SRGAP3: variants seen among roughly 807,000 people sequenced by gnomAD.
The protein encoded by SRGAP3 is SLIT-ROBO Rho GTPase activating protein 3, also known as SLIT-ROBO Rho GTPase-activating protein 3.
SRGAP3 carries 39 observed loss-of-function variants against 121.1 expected under a neutral mutation model. The observed-to-expected ratio is 0.32, with a 90% confidence interval of 0.25 to 0.42. The LOEUF is 0.42. SRGAP3 is among the 10% of genes least tolerant of loss of function. The pLI is 1.00. For synonymous variants in SRGAP3, 601 were observed against 570.0 expected (o/e 1.05, Z -0.77); for missense variants, 1,213 against 1,470.6 (o/e 0.82, Z 2.86).
intron 3 of SRGAP3, among the ~76,000 whole-genome samples, chr3:9,082,547 G>A (rs976631016): frequency 6.6e-6 from 1 of 152,212 alleles, no homozygotes; most frequent in East Asian, 1.9e-4. Context: ...CCAGTCTACG[G>A]TATTTTGTTA....
At chr3:8,993,121 C>G in intron 19 of SRGAP3, 66 bp from the exon 20 acceptor site, 1 of 1,606,486 alleles carries the variant, frequency 6.2e-7, no homozygotes. Context: ...TACAGAGCTC[C>G]CTGATATGTG....
At chr3:9,088,125 G>A (rs1947579358) in intron 3 of SRGAP3, among the ~76,000 whole-genome samples, 1 of 152,140 alleles carries the variant, frequency 6.6e-6, no homozygotes, top group South Asian at 2.1e-4. Context: ...GTGATCTCCA[G>A]CGACACCATA....
intron 10 of SRGAP3, among the ~76,000 whole-genome samples, chr3:9,046,524 G>A (rs547697443): frequency 3.9e-5 from 6 of 152,350 alleles, no homozygotes; most frequent in East Asian, 3.9e-4. Context: ...CTCATGTGCC[G>A]TGACAGCAGC....
intron 3 of SRGAP3, among the ~76,000 whole-genome samples, chr3:9,090,170 A>G (rs1947692713): frequency 6.6e-6 from 1 of 152,178 alleles, no homozygotes; most frequent in African/African-American, 2.4e-5. Flanking sequence ...AAAACGCTCC[A>G]CCAAGCATCA....
chr3:9,077,048 G>A (rs937644965), intron 4 of SRGAP3, among the ~76,000 whole-genome samples: 22 of 151,698 alleles, frequency 1.5e-4, no homozygotes, highest in African/African-American at 4.8e-4. Context: ...GTGCCATGTT[G>A]GTTTGCTGCA....
chr3:8,993,714 T>G (rs1942213049), intron 19 of SRGAP3, among the ~76,000 whole-genome samples: 2 of 152,190 alleles, frequency 1.3e-5, no homozygotes, highest in Admixed American at 1.3e-4. Context: ...CAATGTGGGC[T>G]GTTGATCCCC....
intron 3 of SRGAP3, among the ~76,000 whole-genome samples, chr3:9,271,726 C>A (rs1954482077): frequency 6.6e-6 from 1 of 152,134 alleles, no homozygotes; most frequent in South Asian, 2.1e-4. Flanking sequence ...GATGAAAAAC[C>A]CTACAGCCAA....
chr3:8,987,021 T>C (rs1941752617), intron 21 of SRGAP3, among the ~76,000 whole-genome samples: 1 of 152,254 alleles, frequency 6.6e-6, no homozygotes, highest in Admixed American at 6.5e-5. Context: ...CCCGGACTTT[T>C]GAGTAAAAAG....
chr3:9,095,830 G>A (rs1192690813), intron 3 of SRGAP3, among the ~76,000 whole-genome samples: 1 of 152,150 alleles, frequency 6.6e-6, no homozygotes, highest in Non-Finnish European at 1.5e-5. Context: ...CACTTTGGGA[G>A]GCTGAGATGG....
At chr3:9,327,354 C>T (rs994934936) in intron 2 of SRGAP3, among the ~76,000 whole-genome samples, 1 of 152,044 alleles carries the variant, frequency 6.6e-6, no homozygotes, top group African/African-American at 2.4e-5. Context: ...TATAAACCTT[C>T]CGTAACTTGT....
At chr3:9,060,719 G>A (rs922504813) in intron 5 of SRGAP3, among the ~76,000 whole-genome samples, 14 of 150,808 alleles carry the variant, frequency 9.3e-5, no homozygotes, top group Admixed American at 3.3e-4. Flanking sequence ...GATTATAGGC[G>A]TGAGCCACCA....
intron 3 of SRGAP3, among the ~76,000 whole-genome samples, chr3:9,257,889 G>A (rs1017172923): frequency 3.9e-5 from 6 of 151,958 alleles, no homozygotes; most frequent in East Asian, 3.9e-4. Context: ...ATTTTTAGTA[G>A]AGACGGGGTT....
chr3:9,026,879 C>T (rs962264232), intron 13 of SRGAP3, 56 bp downstream of exon 13: 6 of 1,583,324 alleles, frequency 3.8e-6, no homozygotes, highest in Non-Finnish European at 5.2e-6. Flanking sequence ...CCTATCAGAA[C>T]AGCCTAGCAC....
chr3:9,146,016 C>T (rs1272015404), intron 1 of SRGAP3, among the ~76,000 whole-genome samples: 2 of 152,194 alleles, frequency 1.3e-5, no homozygotes, highest in East Asian at 3.8e-4. Context: ...GCCTTGAAGG[C>T]CATGTTCAGG....
At position 9,064,498 on chromosome 3, in the gene SRGAP3, C is replaced by T. The variant is rs1046482553; in HGVS notation, c.570G>A (p.Lys190=). 2 of 1,614,210 alleles carry T rather than the reference C, an allele frequency of 1.2e-6. No individual in the cohort carries two copies. The highest frequency in any genetic ancestry group is 1.7e-5 in the Admixed American group (1 of 60,028). ...KLKEAEKQEE[K]QFNKSGDLSM... ...TGAGGTCTCCTGACTTATTGAACTGCTTCTCCTCCTGCTTCTCAGCCTCCT... is the reference window on the plus strand; with the variant it reads ...TGAGGTCTCCTGACTTATTGAACTGTTTCTCCTCCTGCTTCTCAGCCTCCT... Residue 190 remains lysine (K), a synonymous_variant, in exon 5 of 22, where the codon AAG becomes AAA. Transcript: ENST00000383836.
chr3:9,116,604 C>T (rs1948815008), intron 2 of SRGAP3, among the ~76,000 whole-genome samples: 1 of 152,164 alleles, frequency 6.6e-6, no homozygotes, highest in South Asian at 2.1e-4. Context: ...CCTAAGCTGG[C>T]CTCTGTGTAG....
intron 9 of SRGAP3, chr3:9,049,190 G>C: frequency 3.0e-6 from 1 of 336,402 alleles, no homozygotes; most frequent in Non-Finnish European, 5.9e-6. Context: ...GACAGCTATG[G>C]GGGAAAGACC....
At chr3:9,179,453 T>C (rs930585178) in intron 1 of SRGAP3, among the ~76,000 whole-genome samples, 1 of 152,236 alleles carries the variant, frequency 6.6e-6, no homozygotes, top group Non-Finnish European at 1.5e-5. Context: ...ACTTAGTTCT[T>C]GGCACTTAGT....
chr3:9,006,140 C>T (rs184417496), intron 18 of SRGAP3, among the ~76,000 whole-genome samples: 12 of 152,104 alleles, frequency 7.9e-5, no homozygotes, highest in Admixed American at 4.6e-4. Flanking sequence ...GTGTCTCACA[C>T]CTGTAATCCC....
Sources: allele counts gnomAD v4.1 joint callset (sites outside exome capture counted in the v4.1 genomes callset), GRCh38; gene constraint gnomAD v4.1.1; transcripts MANE v1.5; gene names NCBI Gene and HGNC (gene_info 2026-07-23, HGNC 2026-07-21).